Variants in SORCS3 observed in about 807,000 individuals in gnomAD.
The protein encoded by SORCS3 is VPS10 domain-containing receptor SorCS3.
In SORCS3, 57 loss-of-function variants were observed where a neutral mutation model predicts 146.3. That is an observed-to-expected ratio of 0.39 (90% confidence interval 0.31 to 0.49). SORCS3 has a LOEUF of 0.49. SORCS3 is among the 20% of genes least tolerant of loss of function. The pLI is 0.92. For missense variants in SORCS3, 1,341 were observed against 1,575.5 expected, an observed-to-expected ratio of 0.85 and a Z score of 2.52; for synonymous variants, 653 against 618.5, an observed-to-expected ratio of 1.06 and a Z score of -0.83.
At chr10:105,201,370 C>T in intron 16 of SORCS3, 117 bp downstream of exon 16, 1 of 1,261,940 alleles carries the variant, frequency 7.9e-7, no homozygotes. Flanking sequence ...GGAGGTGTAT[C>T]TGCTGGCCTG....
In SORCS3 at chr10:104,752,326, G is replaced by A. The variant is rs938591708; in HGVS notation, c.628-90466G>A. On this transcript the variant is annotated intron_variant, in intron 1 of 26. Coordinates refer to ENST00000369701, the MANE Select transcript of SORCS3 (RefSeq NM_014978.3). Reference sequence around the variant, plus strand: ...GCTAGGATTACAGGCATGAGCCACCGCACCTGGCTAAAGCATTATTTTTTT... The same window carrying A: ...GCTAGGATTACAGGCATGAGCCACCACACCTGGCTAAAGCATTATTTTTTT... Among the ~76,000 whole-genome samples, 7 of 152,008 alleles carry A rather than the reference G, an allele frequency of 4.6e-5. No homozygotes were observed. In the South Asian group the frequency reaches 1.0e-3, roughly 23 times the overall value.
intron 4 of SORCS3, among the ~76,000 whole-genome samples, chr10:105,026,986 A>C (rs572175493): frequency 6.6e-6 from 1 of 152,282 alleles, no homozygotes; most frequent in Non-Finnish European, 1.5e-5. Flanking sequence ...AGAAAAGTTG[A>C]AATTAAGCAA....
At chr10:105,225,316 A>G (rs1161744804) in intron 20 of SORCS3, among the ~76,000 whole-genome samples, 4 of 152,030 alleles carry the variant, frequency 2.6e-5, no homozygotes, top group African/African-American at 7.2e-5. Flanking sequence ...CCAGTTGTTC[A>G]AGCACCATTT....
At chr10:104,709,956 T>A (rs1280419485) in intron 1 of SORCS3, among the ~76,000 whole-genome samples, 2 of 152,072 alleles carry the variant, frequency 1.3e-5, no homozygotes, top group East Asian at 3.9e-4. Flanking sequence ...CCCTTCTAGC[T>A]AGAAACTAGT....
At chr10:104,710,812 T>G (rs1340337681) in intron 1 of SORCS3, among the ~76,000 whole-genome samples, 4 of 152,038 alleles carry the variant, frequency 2.6e-5, no homozygotes, top group Non-Finnish European at 5.9e-5. Context: ...CATTAAGAAG[T>G]TTAGGGAAAA....
intron 5 of SORCS3, among the ~76,000 whole-genome samples, chr10:105,071,253 A>G (rs2055554522): frequency 1.3e-5 from 2 of 152,222 alleles, no homozygotes; most frequent in Admixed American, 1.3e-4. Flanking sequence ...CATAAAATGA[A>G]TGAAAGGCTG....
In SORCS3 at chr10:104,833,314, G is replaced by A. The variant is rs187700550; in HGVS notation, c.628-9478G>A. Among the ~76,000 whole-genome samples, 3 of 152,298 alleles carry A rather than the reference G, an allele frequency of 2.0e-5. No homozygotes were observed. In the East Asian group the frequency reaches 5.8e-4, roughly 29 times the overall value. On this transcript the variant is annotated intron_variant, in intron 1 of 26. Transcript: ENST00000369701. The stretch of plus-strand genomic sequence containing the variant: ...GTGCAATCAACCTGCCACCATGCAC[G>A]ATGTTGAGACTCAGCATTGGTTTCT...
At chr10:104,960,536 C>G (rs73349921) in intron 3 of SORCS3, among the ~76,000 whole-genome samples, 9,077 of 152,176 alleles carry the variant, frequency 0.06, 264 homozygotes, top group African/African-American at 0.076. Flanking sequence ...AGCACACCAA[C>G]ATGCTATGCT....
At chr10:104,771,944 A>T (rs2017254279) in intron 1 of SORCS3, among the ~76,000 whole-genome samples, 1 of 152,004 alleles carries the variant, frequency 6.6e-6, no homozygotes, top group Admixed American at 6.6e-5. Context: ...GTCTTTTTCC[A>T]ATTGGCCTCC....
chr10:104,642,022 G>GGGGGGGGGGCACC, intron 1 of SORCS3, 68 bp downstream of exon 1: 1 of 173,336 alleles, frequency 5.8e-6, no homozygotes. Context: ...GGGTGGGTGG[G>GGGGGGGGGGCACC]AGCGAGGGAC....
At chr10:104,698,970 C>T (rs1013880422) in intron 1 of SORCS3, among the ~76,000 whole-genome samples, 6 of 152,012 alleles carry the variant, frequency 3.9e-5, no homozygotes, top group East Asian at 1.9e-4. Flanking sequence ...AAAAGGAAGA[C>T]GATTCTATCA....
chr10:105,081,628 G>A (rs2055627017), intron 5 of SORCS3, among the ~76,000 whole-genome samples: 1 of 152,176 alleles, frequency 6.6e-6, no homozygotes, highest in Non-Finnish European at 1.5e-5. Flanking sequence ...AAATAAGTTT[G>A]AAGCCACTTG....
chr10:104,721,081 G>A (rs1291332623), intron 1 of SORCS3, among the ~76,000 whole-genome samples: 1 of 152,142 alleles, frequency 6.6e-6, no homozygotes, highest in Non-Finnish European at 1.5e-5. Flanking sequence ...TATTACCTAG[G>A]TTTTCTTCTA....
At position 105,060,460 on chromosome 10, in the gene SORCS3, G is replaced by C. The variant is rs150760647; in HGVS notation, c.1028+17332G>C. ...CACCTTTAAAGGGTTCCACTCAGGG[G>C]CAGAGCATGCTCAGGACTGGTCTTT... On this transcript the variant is annotated intron_variant, in intron 5 of 26. Transcript: ENST00000369701. 1.7e-3 allele frequency among the ~76,000 whole-genome samples: 264 copies of C among 152,216 alleles called. 2 individuals are homozygous for C. Among genetic ancestry groups the C allele is most frequent in the African/African-American group, 5.9e-3 (246 of 41,548 alleles).
At chr10:105,124,277 T>C (rs781288667) in intron 7 of SORCS3, among the ~76,000 whole-genome samples, 78 of 152,162 alleles carry the variant, frequency 5.1e-4, no homozygotes, top group Non-Finnish European at 1.0e-3. Flanking sequence ...ATGAAAGTGA[T>C]ATAATGAAGA....
chr10:105,043,375 G>A (rs2055350485), intron 5 of SORCS3, among the ~76,000 whole-genome samples: 1 of 152,164 alleles, frequency 6.6e-6, no homozygotes, highest in African/African-American at 2.4e-5. Context: ...GCTGACTCAT[G>A]TGCACATGAA....
intron 1 of SORCS3, among the ~76,000 whole-genome samples, chr10:104,828,401 A>G (rs948288829): frequency 3.3e-5 from 5 of 152,124 alleles, no homozygotes; most frequent in African/African-American, 1.2e-4. Context: ...CGATCAGTGG[A>G]GCAGTCAAAA....
intron 7 of SORCS3, among the ~76,000 whole-genome samples, chr10:105,112,995 G>A (rs12354998): frequency 0.19 from 29,283 of 152,124 alleles, 3,034 homozygotes; most frequent in Admixed American, 0.24. Flanking sequence ...CTTTCCCTTC[G>A]TCCTTTCCCA....
At chr10:104,700,333 G>A (rs1381683245) in intron 1 of SORCS3, among the ~76,000 whole-genome samples, 2 of 152,198 alleles carry the variant, frequency 1.3e-5, no homozygotes, top group Admixed American at 6.5e-5. Context: ...GTGGTTATGA[G>A]TCTGGCTTTT....
Sources: allele counts gnomAD v4.1 joint callset (sites outside exome capture counted in the v4.1 genomes callset), GRCh38; gene constraint gnomAD v4.1.1; transcripts MANE v1.5; gene names NCBI Gene and HGNC (gene_info 2026-07-23, HGNC 2026-07-21).